The following LMNTD1 variants were observed in gnomAD, a reference collection of about 807,000 sequenced individuals.
The protein encoded by LMNTD1 is lamin tail domain-containing protein 1.
Under a neutral mutation model 50.9 loss-of-function variants are expected in LMNTD1, and 35 were observed. The ratio of observed to expected loss-of-function variants is 0.69; its 90% CI spans 0.53 to 0.91. LMNTD1 has a LOEUF of 0.91. Among genes scored for constraint, LMNTD1 ranks in the 40% least tolerant of loss-of-function variants. The probability of loss-of-function intolerance (pLI) is 0.00; values close to 1 mark genes in which losing one functional copy is unlikely to be tolerated. For synonymous variants in LMNTD1, 153 were observed against 161.9 expected (o/e 0.94, Z 0.42); for missense variants, 470 against 475.5 (o/e 0.99, Z 0.11).
chr12:25,641,927 T>C (rs1232035855), intron 1 of LMNTD1, among the ~76,000 whole-genome samples: 1 of 152,174 alleles, frequency 6.6e-6, no homozygotes, highest in African/African-American at 2.4e-5. Context: ...TTTTCACTTT[T>C]TAAAAAGTAG....
intron 1 of LMNTD1, among the ~76,000 whole-genome samples, chr12:25,640,459 T>C (rs1469714882): frequency 6.6e-6 from 1 of 151,216 alleles, no homozygotes; most frequent in Non-Finnish European, 1.5e-5. Flanking sequence ...TGAGCTGAGA[T>C]TGCACCACTG....
chr12:25,572,446 C>T (rs1944834759), intron 1 of LMNTD1, among the ~76,000 whole-genome samples: 1 of 152,046 alleles, frequency 6.6e-6, no homozygotes, highest in Admixed American at 6.5e-5. Flanking sequence ...AAATTAAAAT[C>T]CTGTTGGGGA....
intron 1 of LMNTD1, among the ~76,000 whole-genome samples, chr12:25,596,150 A>G (rs902575551): frequency 2.6e-5 from 4 of 151,634 alleles, no homozygotes; most frequent in Non-Finnish European, 4.4e-5. Flanking sequence ...CAGCACTCAA[A>G]GAAGAATTGG....
intron 1 of LMNTD1, among the ~76,000 whole-genome samples, chr12:25,574,448 C>T (rs1944917204): frequency 6.6e-6 from 1 of 152,046 alleles, no homozygotes; most frequent in Admixed American, 6.6e-5. Context: ...TTTTCAAAGC[C>T]AGTTTTCTAA....
At chr12:25,525,904 A>T (rs1276694653) in intron 6 of LMNTD1, among the ~76,000 whole-genome samples, 195 bp downstream of exon 6, 1 of 152,122 alleles carries the variant, frequency 6.6e-6, no homozygotes, top group Non-Finnish European at 1.5e-5. Context: ...GCTCCCCCAA[A>T]ACGACTGAAA....
intron 1 of LMNTD1, among the ~76,000 whole-genome samples, chr12:25,567,134 A>T (rs1944587062): frequency 6.6e-6 from 1 of 152,216 alleles, no homozygotes. Context: ...AGATGTGAAA[A>T]ACCAGACATC....
intron 1 of LMNTD1, among the ~76,000 whole-genome samples, chr12:25,617,587 G>C (rs1946375749): frequency 6.6e-6 from 1 of 152,166 alleles, no homozygotes; most frequent in Non-Finnish European, 1.5e-5. Flanking sequence ...TATTTTTCTA[G>C]AGAGTGAAAA....
intron 1 of LMNTD1, among the ~76,000 whole-genome samples, chr12:25,608,735 T>C (rs1946177076): frequency 6.6e-6 from 1 of 152,020 alleles, no homozygotes; most frequent in Non-Finnish European, 1.5e-5. Context: ...ACCCGACCTT[T>C]CTCTGGCTGC....
At chr12:25,530,292 T>C (rs1255685923) in intron 4 of LMNTD1, among the ~76,000 whole-genome samples, 5 of 152,196 alleles carry the variant, frequency 3.3e-5, no homozygotes, top group Non-Finnish European at 7.3e-5. Context: ...TTTCTTATGG[T>C]ATAGTTTACA....
At chr12:25,533,987 A>G (rs1942399496) in intron 4 of LMNTD1, among the ~76,000 whole-genome samples, 1 of 152,214 alleles carries the variant, frequency 6.6e-6, no homozygotes, top group South Asian at 2.1e-4. Flanking sequence ...TTAGAGGTTG[A>G]GATGGAGGAT....
At chr12:25,580,645 T>C (rs2050639615) in intron 1 of LMNTD1, among the ~76,000 whole-genome samples, 1 of 152,222 alleles carries the variant, frequency 6.6e-6, no homozygotes, top group African/African-American at 2.4e-5. Context: ...TTGTGAAATT[T>C]GCCTGATCTA....
intron 1 of LMNTD1, among the ~76,000 whole-genome samples, chr12:25,638,177 A>G (rs71450492): frequency 0.048 from 7,331 of 152,166 alleles, 187 homozygotes; most frequent in African/African-American, 0.065. Flanking sequence ...CTATGAATAG[A>G]CAGGAACTTC....
At chr12:25,582,654 T>C (rs2136427472) in intron 1 of LMNTD1, among the ~76,000 whole-genome samples, 1 of 152,340 alleles carries the variant, frequency 6.6e-6, no homozygotes, top group East Asian at 1.9e-4. Context: ...GATATTTAAA[T>C]AAGACTGTGT....
chr12:25,509,629 C>A (rs766372636), intron 8 of LMNTD1, among the ~76,000 whole-genome samples: 1 of 152,046 alleles, frequency 6.6e-6, no homozygotes, highest in African/African-American at 2.4e-5. Context: ...TTGGAACGTG[C>A]GAACATGACT....
In LMNTD1 at chr12:25,612,328, A is replaced by ACACGCGCG. The variant is rs34069424; in HGVS notation, c.58+36165_58+36166insCGCGCGTG. Among the ~76,000 whole-genome samples the ACACGCGCG allele has an allele frequency of 3.4e-3, 500 of 146,516 alleles. 4 individuals are homozygous for ACACGCGCG. Among genetic ancestry groups the ACACGCGCG allele is most frequent in the East Asian group, 0.027 (132 of 4,956 alleles). The stretch of plus-strand genomic sequence containing the variant: ...CACACACACACACACACACACACAC[A>ACACGCGCG]CGCGCTCCCACTGTCAACAACACTG... On this transcript the variant is annotated intron_variant, in intron 1 of 7. Transcript: ENST00000445693.
At chr12:25,588,310 G>A (rs995166317) in intron 1 of LMNTD1, among the ~76,000 whole-genome samples, 4 of 152,088 alleles carry the variant, frequency 2.6e-5, no homozygotes, top group Admixed American at 6.5e-5. Flanking sequence ...AGTGGAATTC[G>A]ATGAGTACTA....
chr12:25,509,778 A>G (rs145367206), intron 8 of LMNTD1, among the ~76,000 whole-genome samples: 3 of 152,242 alleles, frequency 2.0e-5, no homozygotes, highest in African/African-American at 7.2e-5. Flanking sequence ...AGTTAAGGCC[A>G]TATGAAGACA....
chr12:25,618,964 G>A (rs906916538), intron 1 of LMNTD1, among the ~76,000 whole-genome samples: 1 of 152,158 alleles, frequency 6.6e-6, no homozygotes. Context: ...ACGATTTACC[G>A]CAAAATAGGA....
At chr12:25,560,845 A>G (rs545834043) in intron 1 of LMNTD1, among the ~76,000 whole-genome samples, 5 of 152,118 alleles carry the variant, frequency 3.3e-5, no homozygotes, top group South Asian at 4.1e-4. Flanking sequence ...TCTGTTATTG[A>G]TGTATAGGAA....
Sources: gnomAD v4.1 joint callset for allele counts (sites outside exome capture counted in the v4.1 genomes callset) on GRCh38, gnomAD v4.1.1 for gene constraint, MANE v1.5 for transcripts, NCBI Gene and HGNC (gene_info 2026-07-23, HGNC 2026-07-21) for gene names.